The following SVIL variants were observed in gnomAD, a reference collection of about 807,000 sequenced individuals.
SVIL encodes archvillin.
SVIL carries 101 observed loss-of-function variants against 240.4 expected under a neutral mutation model. That is an observed-to-expected ratio of 0.42 (90% CI 0.36 to 0.50). The LOEUF (loss-of-function observed/expected upper bound fraction) is 0.50, where lower values mean the gene tolerates loss of function less well. SVIL is among the 20% of genes least tolerant of loss of function. The pLI, the probability that SVIL is intolerant of heterozygous loss-of-function variation, is 0.01. For missense variants in SVIL, 2,512 were observed against 2,818.7 expected (o/e 0.89, Z 2.46); for synonymous variants, 999 against 1,100.0 (o/e 0.91, Z 1.82).
chr10:29,696,273 G>A (rs1383457633), intron 1 of SVIL, among the ~76,000 whole-genome samples: 2 of 151,982 alleles, frequency 1.3e-5, no homozygotes. Flanking sequence ...GCCCAGGCTG[G>A]AGTGCAGTGG....
chr10:29,641,570 A>G (rs760601992), intron 3 of SVIL, among the ~76,000 whole-genome samples: 1 of 152,132 alleles, frequency 6.6e-6, no homozygotes, highest in Non-Finnish European at 1.5e-5. Context: ...CTCCATCTCA[A>G]AATAAATAAA....
At chr10:29,651,994 CA>C (rs1337494002) in intron 3 of SVIL, among the ~76,000 whole-genome samples, 1 of 150,284 alleles carries the variant, frequency 6.7e-6, no homozygotes, top group Non-Finnish European at 1.5e-5. Flanking sequence ...GTTAACCGTC[CA>C]ATATATGTAA....
At chr10:29,585,387 A>C (rs756531790) in intron 1 of SVIL, among the ~76,000 whole-genome samples, 4 of 152,032 alleles carry the variant, frequency 2.6e-5, no homozygotes, top group Non-Finnish European at 4.4e-5. Context: ...CAGTGGCCTC[A>C]CTATGTTGCC....
chr10:29,495,435 G>A lies in SVIL; in HGVS notation c.3665-254C>T, dbSNP rs138493691. Among the ~76,000 whole-genome samples the A allele has an allele frequency of 3.3e-3, 498 of 152,282 alleles. 2 individuals are homozygous for A. Among genetic ancestry groups the A allele is most frequent in the African/African-American group, 0.011 (459 of 41,518 alleles). The stretch of plus-strand genomic sequence containing the variant: ...ATATTCCAAAATGAACGGTGGAGAC[G>A]TGGGAAAACATGTCCATGACACGTT... On this transcript the variant is annotated intron_variant, in intron 18 of 37. Transcript: ENST00000355867.
At chr10:29,524,101 A>T in intron 14 of SVIL, 74 bp from the exon 15 acceptor site, 1 of 1,384,482 alleles carries the variant, frequency 7.2e-7, no homozygotes, top group Non-Finnish European at 9.7e-7. Context: ...TTATGAATTG[A>T]CAGAAGCTGA....
chr10:29,471,758 C>T (rs1460552703), intron 30 of SVIL, among the ~76,000 whole-genome samples: 3 of 152,186 alleles, frequency 2.0e-5, no homozygotes, highest in Admixed American at 6.5e-5. Context: ...ATCTGCACCA[C>T]GAATAATGTT....
At chr10:29,462,503 A>C in intron 35 of SVIL, 102 bp from the exon 36 acceptor site, 1 of 1,464,604 alleles carries the variant, frequency 6.8e-7, no homozygotes, top group Non-Finnish European at 9.2e-7. Context: ...TCATGACTTC[A>C]TGCTTAAAAT....
At chr10:29,579,234 G>A (rs1313505498) in intron 1 of SVIL, among the ~76,000 whole-genome samples, 6 of 151,890 alleles carry the variant, frequency 4.0e-5, no homozygotes, top group African/African-American at 1.5e-4. Context: ...TCAGGAGATC[G>A]AGACTATCCT....
At chr10:29,605,173 T>A (rs1956974030) in intron 1 of SVIL, among the ~76,000 whole-genome samples, 2 of 152,266 alleles carry the variant, frequency 1.3e-5, no homozygotes, top group Admixed American at 6.5e-5. Flanking sequence ...TAGCCTCATT[T>A]TCTTACAGGT....
At position 29,463,050 on chromosome 10, in the gene SVIL, G is replaced by A. The variant is rs538260555; in HGVS notation, c.6277+442C>T. Among the ~76,000 whole-genome samples the A allele has an allele frequency of 7.9e-4, 121 of 152,242 alleles. 1 individual carries two copies. Among genetic ancestry groups the A allele is most frequent in the African/African-American group, 2.8e-3 (117 of 41,540 alleles). On this transcript the variant is annotated intron_variant, in intron 35 of 37. Transcript: ENST00000355867. ...TGGATATAATACTAAAAATAATAAT[G>A]AATAATAAAAAGGTTGGCAATGGCC... is the stretch of plus-strand genomic sequence containing the variant.
At chr10:29,494,236 C>A (rs1001410717) in intron 20 of SVIL, among the ~76,000 whole-genome samples, 8 of 152,188 alleles carry the variant, frequency 5.3e-5, no homozygotes, top group African/African-American at 1.9e-4. Context: ...CGTTTGCTGA[C>A]CCACGGGCTA....
exon 3 of SVIL, chr10:29,657,975 G>A (rs977305155): frequency 4.6e-5 from 7 of 152,060 alleles, no homozygotes; most frequent in East Asian, 1.9e-4. Flanking sequence ...TTACCTTAAC[G>A]CCGATATTTA....
chr10:29,532,237 A>G, intron 8 of SVIL, 65 bp from the exon 9 acceptor site: 1 of 1,560,574 alleles, frequency 6.4e-7, no homozygotes, highest in Non-Finnish European at 8.7e-7. Flanking sequence ...AGAAGATGGC[A>G]AAGGATTATG....
At chr10:29,577,901 G>A (rs767395625) in intron 1 of SVIL, among the ~76,000 whole-genome samples, 58 of 152,156 alleles carry the variant, frequency 3.8e-4, no homozygotes, top group Admixed American at 6.5e-4. Flanking sequence ...ATAAAACATC[G>A]ATGAAAGAAA....
chr10:29,533,426 T>A lies in SVIL; in HGVS notation c.941A>T (p.Glu314Val). Residue 314 changes from glutamate to valine, a missense_variant, in exon 8 of 38, where the codon GAA becomes GTA. Around this residue, in one of 3 missense-constraint regions of SVIL, gnomAD observed 1,443 missense variants for 1,486.6 expected, o/e 0.97. Coordinates refer to ENST00000355867, the MANE Select transcript of SVIL (RefSeq NM_021738.3). ...GAGTTCAGGGCTGTTTCGAGCACTT[T>A]CCTCTTTCACCAATTTTTCTCTAAC... ...VKVREKLVKEESARNSPELAS... is the reference protein window; with the variant it reads ...VKVREKLVKEVSARNSPELAS... 6.2e-7 allele frequency: 1 copy of A among 1,613,462 alleles called. No individual in the cohort carries two copies. Among genetic ancestry groups the A allele is most frequent in the Non-Finnish European group, 8.5e-7 (1 of 1,179,554 alleles).
At position 29,487,423 on chromosome 10, in the gene SVIL, G is replaced by A. The variant is rs544047545; in HGVS notation, c.4349-124C>T. On this transcript the variant is annotated intron_variant, in intron 23 of 37. Coordinates refer to ENST00000355867, the MANE Select transcript of SVIL (RefSeq NM_021738.3). ...AAGAGTCTTGTCTGCTAATAAGAGT[G>A]CCCATGGCCCAGGGTGGCAGCAGGG... 3 of 1,087,878 alleles carry A rather than the reference G, an allele frequency of 2.8e-6. No individual in the cohort carries two copies. In the East Asian group the frequency reaches 8.0e-5, roughly 29 times the overall value. 67.4% of individuals were successfully genotyped at this position (1,087,878 alleles called of 1,614,324 possible). A position where few individuals can be genotyped will look rare whatever the true frequency, so the allele number is the denominator to read the frequency against.
chr10:29,649,436 T>C (rs1294899714), intron 3 of SVIL, among the ~76,000 whole-genome samples: 1 of 152,168 alleles, frequency 6.6e-6, no homozygotes, highest in Admixed American at 6.5e-5. Context: ...GTTTTGTTTT[T>C]TAAACCACAC....
At chr10:29,527,424 TTTTC>T (rs1951003998) in intron 12 of SVIL, among the ~76,000 whole-genome samples, 1 of 152,156 alleles carries the variant, frequency 6.6e-6, no homozygotes, top group African/African-American at 2.4e-5. Flanking sequence ...AATCTAATTT[TTTTC>T]TTTCTTTTTC....
chr10:29,567,769 C>T (rs1955090114), intron 2 of SVIL, among the ~76,000 whole-genome samples: 1 of 152,152 alleles, frequency 6.6e-6, no homozygotes, highest in South Asian at 2.1e-4. Flanking sequence ...GTAATCCCAG[C>T]ACTTTGGGAG....
Sources: allele counts gnomAD v4.1 joint callset (sites outside exome capture counted in the v4.1 genomes callset), GRCh38; gene constraint gnomAD v4.1.1; regional missense constraint gnomAD v4.1.1; transcripts MANE v1.5; gene names NCBI Gene and HGNC (gene_info 2026-07-23, HGNC 2026-07-21).